Variants in DLG2 observed in about 807,000 individuals in gnomAD.
DLG2 encodes the protein discs large MAGUK scaffold protein 2.
DLG2 carries 45 observed loss-of-function variants against 132.5 expected under a neutral mutation model. That is an observed-to-expected ratio of 0.34 (90% CI 0.27 to 0.44). The LOEUF (loss-of-function observed/expected upper bound fraction) is 0.44. Ranked by LOEUF, DLG2 falls within the 20% of genes least tolerant of loss-of-function variation. The pLI is 1.00. For synonymous variants in DLG2, 424 were observed against 419.6 expected, an observed-to-expected ratio of 1.01 and a Z score of -0.13; for missense variants, 1,045 against 1,196.9, an observed-to-expected ratio of 0.87 and a Z score of 1.87.
At chr11:85,623,326 G>A (rs1009865513) in intron 2 of DLG2, among the ~76,000 whole-genome samples, 2 of 149,754 alleles carry the variant, frequency 1.3e-5, no homozygotes, top group Non-Finnish European at 3.0e-5. Context: ...TTTTTTTTGA[G>A]ACGAAGTCTC....
intron 10 of DLG2, among the ~76,000 whole-genome samples, chr11:84,080,268 A>G (rs1477405001): frequency 6.6e-6 from 1 of 152,218 alleles, no homozygotes; most frequent in Non-Finnish European, 1.5e-5. Flanking sequence ...CCTTATGCTT[A>G]TTATATCACT....
intron 6 of DLG2, among the ~76,000 whole-genome samples, chr11:84,536,906 C>G (rs1186942221): frequency 6.6e-6 from 1 of 152,190 alleles, no homozygotes; most frequent in Non-Finnish European, 1.5e-5. Context: ...GAAACAGCCT[C>G]TGAGCTGGCT....
At chr11:84,764,524 G>A (rs1173603817) in intron 6 of DLG2, among the ~76,000 whole-genome samples, 1 of 152,042 alleles carries the variant, frequency 6.6e-6, no homozygotes, top group Admixed American at 6.6e-5. Flanking sequence ...CCTCACAACA[G>A]TCCTATCAAG....
At chr11:84,099,664 T>C (rs1401032820) in intron 9 of DLG2, among the ~76,000 whole-genome samples, 2 of 151,224 alleles carry the variant, frequency 1.3e-5, no homozygotes, top group Admixed American at 1.3e-4. Flanking sequence ...AGCATGGAAA[T>C]CTGAGTAGCT....
chr11:84,107,552 A>G (rs1034979303), intron 9 of DLG2, among the ~76,000 whole-genome samples: 5 of 152,128 alleles, frequency 3.3e-5, no homozygotes, highest in Non-Finnish European at 4.4e-5. Flanking sequence ...ATGCACATAC[A>G]CACACATTAT....
intron 6 of DLG2, among the ~76,000 whole-genome samples, chr11:85,038,324 TACA>T (rs1188715578): frequency 1.3e-5 from 2 of 152,076 alleles, no homozygotes; most frequent in African/African-American, 4.8e-5. Context: ...ACAGAAGGAA[TACA>T]ACAACGTTTT....
At chr11:83,863,252 C>T (rs1357522818) in intron 16 of DLG2, among the ~76,000 whole-genome samples, 2 of 152,088 alleles carry the variant, frequency 1.3e-5, no homozygotes, top group Admixed American at 6.6e-5. Context: ...ACATTCTACC[C>T]CTAAATATTC....
At chr11:83,895,418 C>G (rs1279798783) in intron 15 of DLG2, among the ~76,000 whole-genome samples, 1 of 152,158 alleles carries the variant, frequency 6.6e-6, no homozygotes, top group Non-Finnish European at 1.5e-5. Context: ...CCTCGGCTTT[C>G]CAAAGTGCTG....
chr11:83,895,732 G>C (rs915528382), intron 15 of DLG2, among the ~76,000 whole-genome samples: 1 of 152,272 alleles, frequency 6.6e-6, no homozygotes, highest in African/African-American at 2.4e-5. Flanking sequence ...TTCAGGAAAA[G>C]AATTTGCAAG....
At chr11:85,283,933 G>A in intron 4 of DLG2, among the ~76,000 whole-genome samples, 1 of 149,508 alleles carries the variant, frequency 6.7e-6, no homozygotes, top group Non-Finnish European at 1.5e-5. Context: ...ATCCATTACA[G>A]CATTATTCAA....
At chr11:83,544,357 A>C (rs1218531171) in intron 19 of DLG2, among the ~76,000 whole-genome samples, 1 of 152,166 alleles carries the variant, frequency 6.6e-6, no homozygotes, top group African/African-American at 2.4e-5. Context: ...ATAGATTGCA[A>C]AGCATTTTCA....
intron 6 of DLG2, among the ~76,000 whole-genome samples, chr11:84,714,982 A>G (rs1460587605): frequency 6.6e-6 from 1 of 151,498 alleles, no homozygotes; most frequent in Non-Finnish European, 1.5e-5. Flanking sequence ...CTTTTGTGAG[A>G]GTCACCCTGT....
intron 3 of DLG2, among the ~76,000 whole-genome samples, chr11:85,356,145 C>T (rs1176548492): frequency 6.6e-6 from 1 of 152,214 alleles, no homozygotes; most frequent in Non-Finnish European, 1.5e-5. Flanking sequence ...AGAAGAGCCA[C>T]AGACTCTCCA....
chr11:85,171,617 G>A (rs1323234996), intron 4 of DLG2, among the ~76,000 whole-genome samples: 1 of 152,178 alleles, frequency 6.6e-6, no homozygotes, highest in Middle Eastern at 3.2e-3. Context: ...GCTTCATTCT[G>A]TGGGCCCTAC....
intron 3 of DLG2, among the ~76,000 whole-genome samples, chr11:85,559,049 GAAAT>G (rs1294180944): frequency 6.6e-6 from 1 of 151,714 alleles, no homozygotes; most frequent in Non-Finnish European, 1.5e-5. Context: ...ATTCAATTTA[GAAAT>G]AGATAGTGGT....
At chr11:84,159,407 A>G (rs1242814796) in intron 9 of DLG2, among the ~76,000 whole-genome samples, 1 of 152,232 alleles carries the variant, frequency 6.6e-6, no homozygotes, top group African/African-American at 2.4e-5. Context: ...ATATTTGAGC[A>G]GATATTTAAA....
chr11:84,807,558 C>T (rs1045656778), intron 6 of DLG2, among the ~76,000 whole-genome samples: 12 of 152,054 alleles, frequency 7.9e-5, no homozygotes, highest in Admixed American at 1.3e-4. Context: ...TTCACAGTCA[C>T]GGATTATCAG....
At chr11:84,685,934 G>T (rs1444881180) in intron 6 of DLG2, among the ~76,000 whole-genome samples, 1 of 152,294 alleles carries the variant, frequency 6.6e-6, no homozygotes, top group African/African-American at 2.4e-5. Flanking sequence ...TGATCCGCCT[G>T]CCTCGGCCTT....
At chr11:85,347,089 C>G (rs1355467249) in intron 3 of DLG2, among the ~76,000 whole-genome samples, 1 of 152,074 alleles carries the variant, frequency 6.6e-6, no homozygotes, top group East Asian at 1.9e-4. Flanking sequence ...GTCAAAGAAA[C>G]AATATAGATG....
Sources: allele counts gnomAD v4.1 joint callset (sites outside exome capture counted in the v4.1 genomes callset), GRCh38; gene constraint gnomAD v4.1.1; transcripts MANE v1.5; gene names NCBI Gene and HGNC (gene_info 2026-07-23, HGNC 2026-07-21).